CNTLN: variants seen among roughly 807,000 people sequenced by gnomAD.
The protein encoded by CNTLN is centlein, centrosomal protein.
A neutral mutation model predicts 180.0 loss-of-function variants in CNTLN; 212 were observed. That is an observed-to-expected ratio of 1.18 (90% CI 1.05 to 1.32). The LOEUF is 1.32. CNTLN is among the 40% of genes most tolerant of loss of function. The pLI is 0.00. For synonymous variants in CNTLN, 722 were observed against 563.1 expected, an observed-to-expected ratio of 1.28 and a Z score of -3.99; for missense variants, 2,095 against 1,610.9, an observed-to-expected ratio of 1.30 and a Z score of -5.14.
intron 22 of CNTLN, 68 bp from the exon 23 acceptor site, chr9:17,466,638 T>C (rs1176524775): frequency 1.6e-6 from 2 of 1,248,264 alleles, no homozygotes; most frequent in South Asian, 1.4e-5. Context: ...TTATTTGACA[T>C]GTATAACTAA....
intron 13 of CNTLN, among the ~76,000 whole-genome samples, chr9:17,378,401 G>C (rs529231324): frequency 1.3e-5 from 2 of 152,004 alleles, no homozygotes; most frequent in Non-Finnish European, 2.9e-5. Flanking sequence ...GGATGGTCTC[G>C]ATCTCCTGAT....
At chr9:17,489,563 T>TA (rs977223253) in intron 25 of CNTLN, among the ~76,000 whole-genome samples, 13 of 151,726 alleles carry the variant, frequency 8.6e-5, no homozygotes, top group East Asian at 3.9e-4. Flanking sequence ...TGCTTTCTGT[T>TA]AAAAAAAATA....
intron 22 of CNTLN, 70 bp downstream of exon 22, chr9:17,466,188 G>A: frequency 7.0e-7 from 1 of 1,426,418 alleles, no homozygotes; most frequent in Non-Finnish European, 9.7e-7. Context: ...TTTTAACATT[G>A]TTGCTTTTTC....
At chr9:17,333,233 T>C (rs1195806027) in intron 10 of CNTLN, among the ~76,000 whole-genome samples, 2 of 152,194 alleles carry the variant, frequency 1.3e-5, no homozygotes, top group Non-Finnish European at 2.9e-5. Flanking sequence ...ATGAGCACTC[T>C]ACCATGTTTA....
At chr9:17,135,483 G>A (rs1459681330) in intron 1 of CNTLN, 58 bp downstream of exon 1, 5 of 1,527,800 alleles carry the variant, frequency 3.3e-6, no homozygotes, top group South Asian at 2.5e-5. Context: ...GGACCCGTGG[G>A]GAGGCGCGCC....
At chr9:17,177,612 C>T (rs565665151) in intron 2 of CNTLN, among the ~76,000 whole-genome samples, 36 of 152,100 alleles carry the variant, frequency 2.4e-4, no homozygotes, top group African/African-American at 8.2e-4. Context: ...CGTGGTCTCA[C>T]TGGCTCAGGA....
At chr9:17,293,528 C>G (rs1186728862) in intron 6 of CNTLN, among the ~76,000 whole-genome samples, 1 of 152,194 alleles carries the variant, frequency 6.6e-6, no homozygotes, top group Non-Finnish European at 1.5e-5. Context: ...GGTTAGGGTT[C>G]CGCCTGAAGA....
chr9:17,332,472 G>A, intron 9 of CNTLN, 133 bp from the exon 10 acceptor site: 1 of 758,414 alleles, frequency 1.3e-6, no homozygotes, highest in Non-Finnish European at 2.0e-6. Context: ...TATTTCTCTG[G>A]TATTCCATGC....
At chr9:17,222,827 C>G (rs7865951) in intron 2 of CNTLN, among the ~76,000 whole-genome samples, 8,270 of 152,100 alleles carry the variant, frequency 0.054, 265 homozygotes, top group East Asian at 0.18. Context: ...TCTTAAATTA[C>G]TGGCTTATCC....
At chr9:17,335,052 A>C (rs4317676) in intron 10 of CNTLN, among the ~76,000 whole-genome samples, 34,499 of 152,152 alleles carry the variant, frequency 0.23, 4,199 homozygotes, top group South Asian at 0.37. Flanking sequence ...AGAAGGCAAG[A>C]GAAGACTAAT....
At chr9:17,465,654 A>G (rs1393872706) in intron 21 of CNTLN, among the ~76,000 whole-genome samples, 2 of 151,144 alleles carry the variant, frequency 1.3e-5, no homozygotes, top group East Asian at 3.9e-4. Context: ...CTTGTTTCAG[A>G]GTCAAAACAA....
rs1241504776 is a variant in CNTLN at position 17,409,438 on chromosome 9, C to G, written c.2761C>G (p.Gln921Glu). Residue 921 changes from glutamine (Q) to glutamate (E), a missense_variant, in exon 16 of 26, where the codon CAG becomes GAG. By Grantham distance (29) the Gln-to-Glu change is conservative. Transcript: ENST00000380647. Reference protein sequence around the residue: ...DSQTQGKEIVQTYLNIDGKTP... With the variant: ...DSQTQGKEIVETYLNIDGKTP... ...CCAAACACAAGGAAAAGAAATAGTACAGACATATTTAAATATAGATGGCAA... is the reference window on the plus strand; with the variant it reads ...CCAAACACAAGGAAAAGAAATAGTAGAGACATATTTAAATATAGATGGCAA... 1 of 1,608,756 alleles carries G rather than the reference C, an allele frequency of 6.2e-7. No individual in the cohort carries two copies. The highest frequency in any genetic ancestry group is 1.1e-5 in the South Asian group (1 of 89,918).
At chr9:17,438,810 G>A (rs1048404678) in intron 18 of CNTLN, among the ~76,000 whole-genome samples, 5 of 152,146 alleles carry the variant, frequency 3.3e-5, no homozygotes, top group Admixed American at 6.5e-5. Flanking sequence ...CACCAAGGGC[G>A]TGGAGATAGG....
In CNTLN at chr9:17,202,302, T is replaced by A. The variant is rs141059841; in HGVS notation, c.450-23901T>A. Among the ~76,000 whole-genome samples, 1,156 of 152,302 alleles carry A rather than the reference T, an allele frequency of 7.6e-3. 17 individuals are homozygous for A. The highest frequency in any genetic ancestry group is 0.025 in the African/African-American group (1,057 of 41,562). On this transcript the variant is annotated intron_variant, in intron 2 of 25. Transcript: ENST00000380647. ...ATGTAATGTGGTGCTGAGAAGAATG[T>A]ATATTCTGTTGATTTGGGGTGGAGG... is the stretch of plus-strand genomic sequence containing the variant.
At chr9:17,494,906 G>C in intron 25 of CNTLN, 2 of 335,662 alleles carry the variant, frequency 6.0e-6, no homozygotes, top group Non-Finnish European at 1.1e-5. Flanking sequence ...TTTGGTCACA[G>C]AGTCTTGCTC....
Position 17,487,075 on chromosome 9 carries a change from T to TATA in CNTLN, c.4119+9_4119+10insATA, listed in dbSNP as rs1832927315. On this transcript the variant is annotated intron_variant, in intron 25 of 25. Coordinates refer to ENST00000380647, the MANE Select transcript of CNTLN (RefSeq NM_017738.4). ...AACTTCTTGAAGGACAGGTATTTCATTTTTCTGTTTCATATATTAAGCTTC... is the reference window on the plus strand; with the variant it reads ...AACTTCTTGAAGGACAGGTATTTCATATATTTTCTGTTTCATATATTAAGCTTC... 1.3e-6 allele frequency: 2 copies of TATA among 1,566,410 alleles called. No homozygotes were observed. The highest frequency in any genetic ancestry group is 2.7e-5 in the African/African-American group (2 of 73,812).
At chr9:17,355,193 G>T (rs1287022031) in intron 12 of CNTLN, among the ~76,000 whole-genome samples, 2 of 152,152 alleles carry the variant, frequency 1.3e-5, no homozygotes, top group African/African-American at 4.8e-5. Context: ...GTTAATTTTT[G>T]TGTTTTTAGT....
chr9:17,257,319 A>G (rs375316675), intron 5 of CNTLN, among the ~76,000 whole-genome samples: 2 of 152,018 alleles, frequency 1.3e-5, no homozygotes, highest in Non-Finnish European at 2.9e-5. Flanking sequence ...TCATTTTTTA[A>G]GGCTGCATAG....
chr9:17,212,858 T>C (rs1238569118), intron 2 of CNTLN, among the ~76,000 whole-genome samples: 1 of 152,254 alleles, frequency 6.6e-6, no homozygotes, highest in Non-Finnish European at 1.5e-5. Flanking sequence ...GTTTATAGTA[T>C]TCTCTGATGG....
Sources: gnomAD v4.1 joint callset for allele counts (sites outside exome capture counted in the v4.1 genomes callset) on GRCh38, gnomAD v4.1.1 for gene constraint, MANE v1.5 for transcripts, NCBI Gene and HGNC (gene_info 2026-07-23, HGNC 2026-07-21) for gene names.